The following ZNF608 variants were observed in gnomAD, a reference collection of about 807,000 sequenced individuals.
ZNF608 encodes the protein renal carcinoma antigen NY-REN-36.
A neutral mutation model predicts 109.0 loss-of-function variants in ZNF608; 12 were observed. That is an observed-to-expected ratio of 0.11 (90% CI 0.07 to 0.18). The LOEUF (loss-of-function observed/expected upper bound fraction) is 0.18, where lower values mean the gene tolerates loss of function less well. ZNF608 is among the 10% of genes least tolerant of loss of function. The pLI is 1.00. For missense variants in ZNF608, 1,707 were observed against 1,879.3 expected (o/e 0.91, Z 1.70); for synonymous variants, 732 against 717.4 (o/e 1.02, Z -0.33).
intron 3 of ZNF608, among the ~76,000 whole-genome samples, chr5:124,670,592 C>T (rs904069765): frequency 3.9e-5 from 6 of 152,224 alleles, no homozygotes; most frequent in Non-Finnish European, 7.4e-5. Flanking sequence ...CTGAGGGTAA[C>T]TCCTAACTCC....
At chr5:124,724,771 T>C (rs761332184) in intron 2 of ZNF608, among the ~76,000 whole-genome samples, 8 of 152,162 alleles carry the variant, frequency 5.3e-5, no homozygotes, top group African/African-American at 9.7e-5. Flanking sequence ...GTGAAATCAG[T>C]TAATATAATT....
chr5:124,640,887 A>G (rs975416971), intron 8 of ZNF608, among the ~76,000 whole-genome samples: 2 of 152,196 alleles, frequency 1.3e-5, no homozygotes, highest in African/African-American at 2.4e-5. Flanking sequence ...CAGAACAAGT[A>G]ATTTCACCAA....
intron 2 of ZNF608, among the ~76,000 whole-genome samples, chr5:124,735,444 C>A (rs1749103754): frequency 6.6e-6 from 1 of 152,184 alleles, no homozygotes; most frequent in Admixed American, 6.5e-5. Flanking sequence ...CCCCAGGAGC[C>A]CAGGGCCCTC....
At chr5:124,669,120 T>G (rs1458430796) in intron 3 of ZNF608, among the ~76,000 whole-genome samples, 1 of 152,078 alleles carries the variant, frequency 6.6e-6, no homozygotes, top group Non-Finnish European at 1.5e-5. Flanking sequence ...AGTAGTGACT[T>G]TACTGCCTCT....
At chr5:124,702,936 G>A (rs928123212) in intron 2 of ZNF608, among the ~76,000 whole-genome samples, 23 of 152,096 alleles carry the variant, frequency 1.5e-4, no homozygotes, top group African/African-American at 5.6e-4. Flanking sequence ...AAACTGAGCT[G>A]ACAAATGAAC....
chr5:124,701,294 A>C, intron 2 of ZNF608, 25 bp from the exon 3 acceptor site: 1 of 1,611,926 alleles, frequency 6.2e-7, no homozygotes, highest in Non-Finnish European at 8.5e-7. Flanking sequence ...GGCTTACTGC[A>C]GTAGTGCTGC....
At chr5:124,712,700 C>A (rs1239195150) in intron 2 of ZNF608, among the ~76,000 whole-genome samples, 1 of 152,114 alleles carries the variant, frequency 6.6e-6, no homozygotes, top group Non-Finnish European at 1.5e-5. Flanking sequence ...AGGGTCCCTG[C>A]TTTCCCTCCA....
At chr5:124,715,497 A>T (rs1753654203) in intron 2 of ZNF608, among the ~76,000 whole-genome samples, 1 of 152,208 alleles carries the variant, frequency 6.6e-6, no homozygotes, top group South Asian at 2.1e-4. Context: ...CTAGTTGACA[A>T]ACACCTGCAA....
At chr5:124,679,229 G>A (rs1198228775) in intron 3 of ZNF608, among the ~76,000 whole-genome samples, 1 of 152,184 alleles carries the variant, frequency 6.6e-6, no homozygotes, top group Non-Finnish European at 1.5e-5. Flanking sequence ...CGGACTCCAT[G>A]CAACAAGCTC....
chr5:124,679,220 G>A (rs759736804), intron 3 of ZNF608, among the ~76,000 whole-genome samples: 6 of 152,140 alleles, frequency 3.9e-5, no homozygotes, highest in Admixed American at 6.5e-5. Context: ...AGAACAGCAC[G>A]GACTCCATGC....
At chr5:124,734,743 T>C (rs967296401) in intron 2 of ZNF608, 1 of 152,168 alleles carries the variant, frequency 6.6e-6, no homozygotes, top group Non-Finnish European at 1.5e-5. Context: ...GAATATTGAA[T>C]GAAAGAATTT....
chr5:124,662,655 C>T (rs568581918), intron 3 of ZNF608, among the ~76,000 whole-genome samples: 2 of 152,354 alleles, frequency 1.3e-5, no homozygotes, highest in South Asian at 2.1e-4. Flanking sequence ...GCAGGGCAGC[C>T]GACTTCAAGC....
intron 3 of ZNF608, among the ~76,000 whole-genome samples, chr5:124,679,944 A>G (rs1299561639): frequency 6.6e-6 from 1 of 152,216 alleles, no homozygotes; most frequent in East Asian, 1.9e-4. Flanking sequence ...AGAATTTGTG[A>G]AAAACCAGCT....
rs549934795 is a variant in ZNF608 at position 124,674,860 on chromosome 5, T to G, written c.1163-25163A>C. On this transcript the variant is annotated intron_variant, in intron 3 of 9. Transcript: ENST00000513986. ...GAACTCCTGGACTTAAGTGATCTTC[T>G]GCCTCACCTCCCCAAATGCTAGGAT... 2.0e-5 allele frequency among the ~76,000 whole-genome samples: 3 copies of G among 152,258 alleles called. No individual in the cohort carries two copies. The South Asian group carries it at 6.2e-4, about 32-fold the overall frequency.
rs762351180 is a variant in ZNF608, at chr5:124,648,395, C to G, written c.1989G>C (p.Lys663Asn). The G allele has an allele frequency of 3.7e-6, 6 of 1,614,200 alleles. No individual in the cohort carries two copies. The highest frequency in any genetic ancestry group is 2.2e-5 in the East Asian group (1 of 44,880). ...TGTTCAGTTCATTGTTAAGGCCCTT[C>G]TTTTTGCCAGAATTCTTCCCAGCTT... ...GAKAGKNSGK[K>N]KGLNNELNNL... The change falls in exon 5 of 10, where the codon AAG becomes AAC. Residue 663 changes from lysine (K) to asparagine (N), a missense_variant. Coordinates refer to ENST00000513986, the MANE Select transcript of ZNF608 (RefSeq NM_020747.3).
chr5:124,656,909 G>C (rs1228124235), intron 3 of ZNF608, among the ~76,000 whole-genome samples: 1 of 151,030 alleles, frequency 6.6e-6, no homozygotes, highest in African/African-American at 2.4e-5. Flanking sequence ...AAAGAACACA[G>C]AGCCACTTCC....
chr5:124,664,789 G>T (rs1007226008), intron 3 of ZNF608, among the ~76,000 whole-genome samples: 1 of 152,210 alleles, frequency 6.6e-6, no homozygotes, highest in East Asian at 1.9e-4. Flanking sequence ...AATGGTGCAT[G>T]TATGGATGGG....
rs113446719 is a variant in ZNF608 at position 124,724,609 on chromosome 5, CGTGT to C, written c.906+19471_906+19474del. Among the ~76,000 whole-genome samples the C allele has an allele frequency of 3.8e-3, 559 of 146,948 alleles. 3 individuals carry two copies. Among genetic ancestry groups the C allele is most frequent in the African/African-American group, 6.2e-3 (249 of 40,206 alleles). On this transcript the variant is annotated intron_variant, in intron 2 of 9. Transcript: ENST00000513986. ...CATCAGCTATATTAATTCAACAGCACGTGTGTGTGTGTGTGTGTGTGTGTGTACA... is the reference window on the plus strand; with the variant it reads ...CATCAGCTATATTAATTCAACAGCACGTGTGTGTGTGTGTGTGTGTGTACA...
In ZNF608 at chr5:124,744,452, C is replaced by T; in HGVS notation, c.538G>A (p.Gly180Arg). The T allele has an allele frequency of 5.0e-6, 8 of 1,614,258 alleles. No homozygotes were observed. The highest frequency in any genetic ancestry group is 6.8e-6 in the Non-Finnish European group (8 of 1,180,044). Residue 180 changes from glycine to arginine, a missense_variant, in exon 2 of 10, where the codon GGG becomes AGG. Coordinates refer to ENST00000513986, the MANE Select transcript of ZNF608 (RefSeq NM_020747.3). The surrounding 1 kb of genome is among the most constrained non-coding windows in gnomAD (Gnocchi z 4.5). ...TSTSTSAATA[G>R]AGSCGKSKEE... ...TTGCTTTTCCCACAGGAGCCTGCCC[C>T]CGCGGTGGCGGCAGAGGTGCTGGTG...
Sources: allele counts gnomAD v4.1 joint callset (sites outside exome capture counted in the v4.1 genomes callset), GRCh38; gene constraint gnomAD v4.1.1; non-coding constraint Gnocchi (gnomAD v3.1); transcripts MANE v1.5; gene names NCBI Gene and HGNC (gene_info 2026-07-23, HGNC 2026-07-21).